The following CFAP92 variants were observed in gnomAD, a reference collection of about 807,000 sequenced individuals.
CFAP92 encodes the protein cilia and flagella associated protein 92 (putative).
CFAP92 carries 86 observed loss-of-function variants against 106.3 expected under a neutral mutation model. The observed-to-expected ratio is 0.81, with a 90% CI of 0.68 to 0.97. The LOEUF is 0.97. Among genes scored for constraint, CFAP92 ranks in the 50% least tolerant of loss-of-function variants. The pLI is 0.00. For missense variants in CFAP92, 1,204 were observed against 1,283.8 expected, an observed-to-expected ratio of 0.94 and a Z score of 0.95; for synonymous variants, 477 against 506.4, an observed-to-expected ratio of 0.94 and a Z score of 0.78.
intron 9 of CFAP92, among the ~76,000 whole-genome samples, chr3:128,947,532 T>G (rs1220451160): frequency 2.0e-5 from 3 of 152,200 alleles, no homozygotes; most frequent in Non-Finnish European, 4.4e-5. Flanking sequence ...AGTGTCGTGT[T>G]GCTGAAAGGA....
the CFAP92 span, among the ~76,000 whole-genome samples, chr3:129,025,790 G>A: frequency 3.3e-5 from 5 of 152,208 alleles, no homozygotes; most frequent in Non-Finnish European, 7.3e-5. Flanking sequence ...TTTCTCTGTA[G>A]CCACATTTTA....
chr3:129,021,786 A>G, the CFAP92 span, among the ~76,000 whole-genome samples: 1 of 152,210 alleles, frequency 6.6e-6, no homozygotes, highest in Non-Finnish European at 1.5e-5. Context: ...AAGTATCTGA[A>G]AATTTCATTG....
At chr3:129,009,753 G>A in the CFAP92 span, among the ~76,000 whole-genome samples, 1 of 152,204 alleles carries the variant, frequency 6.6e-6, no homozygotes. Context: ...ACCTGTGGCA[G>A]CTCAAGACTG....
intron 1 of CFAP92, among the ~76,000 whole-genome samples, chr3:128,999,531 C>CTTTTTTTTTTTTT: frequency 1.4e-5 from 1 of 71,594 alleles, no homozygotes; most frequent in Non-Finnish European, 2.4e-5. Flanking sequence ...AAATCAGGTT[C>CTTTTTTTTTTTTT]TTTTTTTTTT....
At chr3:128,987,047 G>A (rs1943899511) in intron 4 of CFAP92, among the ~76,000 whole-genome samples, 1 of 152,210 alleles carries the variant, frequency 6.6e-6, no homozygotes, top group Non-Finnish European at 1.5e-5. Flanking sequence ...TGGAGTCCCA[G>A]CTGCTCAGGA....
At chr3:129,017,951 G>C in the CFAP92 span, among the ~76,000 whole-genome samples, 1 of 152,188 alleles carries the variant, frequency 6.6e-6, no homozygotes, top group Admixed American at 6.5e-5. Flanking sequence ...CAGCCAGGAA[G>C]TTATGGCTGC....
chr3:129,018,648 G>C, the CFAP92 span, among the ~76,000 whole-genome samples: 1 of 152,304 alleles, frequency 6.6e-6, no homozygotes, highest in African/African-American at 2.4e-5. Flanking sequence ...CCAACCTTGG[G>C]ATTCCTCATG....
At chr3:128,958,448 A>T (rs1220204177) in intron 9 of CFAP92, among the ~76,000 whole-genome samples, 1 of 152,180 alleles carries the variant, frequency 6.6e-6, no homozygotes, top group East Asian at 1.9e-4. Context: ...GCTGATTTTG[A>T]TATTGTGCTA....
At chr3:128,968,530 C>G (rs1942548001) in intron 8 of CFAP92, 1 of 152,190 alleles carries the variant, frequency 6.6e-6, no homozygotes. Flanking sequence ...TATAATGGAG[C>G]GGCCCACACA....
intron 9 of CFAP92, among the ~76,000 whole-genome samples, chr3:128,962,076 T>C (rs980321333): frequency 3.3e-4 from 50 of 152,044 alleles, no homozygotes; most frequent in African/African-American, 8.9e-4. Context: ...CACTGGAAAT[T>C]GGACTGTTCA....
chr3:128,964,047 A>G (rs1305834486), intron 9 of CFAP92, among the ~76,000 whole-genome samples: 1 of 152,206 alleles, frequency 6.6e-6, no homozygotes. Context: ...TCTGTCAGAC[A>G]TAATTCCTCA....
intron 2 of CFAP92, among the ~76,000 whole-genome samples, chr3:128,992,797 C>T (rs941357219): frequency 6.6e-6 from 1 of 152,022 alleles, no homozygotes; most frequent in Non-Finnish European, 1.5e-5. Context: ...CTGTAAAAAG[C>T]AGACAGAACA....
At chr3:129,008,628 TG>T in the CFAP92 span, among the ~76,000 whole-genome samples, 8,987 of 152,276 alleles carry the variant, frequency 0.059, 290 homozygotes, top group Non-Finnish European at 0.066. Context: ...GACACAGAAA[TG>T]GCAGTAGACA....
At chr3:128,943,023 G>A (rs1394834544) in intron 10 of CFAP92, among the ~76,000 whole-genome samples, 5 of 146,588 alleles carry the variant, frequency 3.4e-5, no homozygotes, top group Non-Finnish European at 7.4e-5. Flanking sequence ...GGGTTCAAGC[G>A]ATTCTCCTGC....
intron 3 of CFAP92, among the ~76,000 whole-genome samples, chr3:128,988,445 G>C (rs1943997513): frequency 6.6e-6 from 1 of 152,062 alleles, no homozygotes; most frequent in African/African-American, 2.4e-5. Flanking sequence ...GGTGGCTGAG[G>C]CATGAGAATT....
intron 4 of CFAP92, among the ~76,000 whole-genome samples, chr3:128,985,975 G>A (rs1227545364): frequency 2.0e-5 from 3 of 152,086 alleles, no homozygotes; most frequent in Non-Finnish European, 4.4e-5. Flanking sequence ...GCAATCCACA[G>A]AACAGCCCCC....
the CFAP92 span, among the ~76,000 whole-genome samples, chr3:129,009,702 G>T: frequency 6.6e-6 from 1 of 152,210 alleles, no homozygotes; most frequent in Non-Finnish European, 1.5e-5. Context: ...CCTCTCTGGA[G>T]CTCGCAGCCC....
chr3:128,932,395 A>ACG (rs1037674391), intron 12 of CFAP92, among the ~76,000 whole-genome samples: 1 of 148,334 alleles, frequency 6.7e-6, no homozygotes, highest in African/African-American at 2.5e-5. Context: ...ACACACACAC[A>ACG]CATGCCACAG....
At chr3:128,940,397 G>C (rs1939507983) in intron 10 of CFAP92, among the ~76,000 whole-genome samples, 1 of 152,084 alleles carries the variant, frequency 6.6e-6, no homozygotes, top group Non-Finnish European at 1.5e-5. Flanking sequence ...ATCACTTGAG[G>C]AACTGCCAGA....
Sources: gnomAD v4.1 joint callset for allele counts (sites outside exome capture counted in the v4.1 genomes callset) on GRCh38, gnomAD v4.1.1 for gene constraint, MANE v1.5 for transcripts, NCBI Gene and HGNC (gene_info 2026-07-23, HGNC 2026-07-21) for gene names.